C6orf52: variants seen among roughly 807,000 people sequenced by gnomAD.
C6orf52 encodes putative uncharacterized protein C6orf52.
Under a neutral mutation model 16.6 loss-of-function variants are expected in C6orf52, and 16 were observed. That is an observed-to-expected ratio of 0.96 (90% CI 0.65 to 1.46). The LOEUF (loss-of-function observed/expected upper bound fraction) is 1.46, where lower values mean the gene tolerates loss of function less well. C6orf52 is among the 40% of genes most tolerant of loss of function. C6orf52 has a pLI of 0.00. For synonymous variants in C6orf52, 53 were observed against 61.4 expected (o/e 0.86, Z 0.64); for missense variants, 166 against 182.3 (o/e 0.91, Z 0.52).
intron 3 of C6orf52, chr6:10,684,964 T>A: frequency 8.8e-7 from 1 of 1,130,920 alleles, no homozygotes; most frequent in Non-Finnish European, 1.1e-6. Flanking sequence ...AATTCTTGTA[T>A]GAAAAATGCA....
intron 4 of C6orf52, among the ~76,000 whole-genome samples, chr6:10,673,206 C>T (rs534541743): frequency 6.6e-6 from 1 of 152,334 alleles, no homozygotes; most frequent in South Asian, 2.1e-4. Context: ...CTGCATGCCC[C>T]TGGTGGGGAA....
upstream of C6orf52, chr6:10,694,627 C>CATTAAAAAA: frequency 5.2e-6 from 1 of 192,244 alleles, no homozygotes; most frequent in Non-Finnish European, 1.1e-5. Flanking sequence ...GGCCCCACCT[C>CATTAAAAAA]CTCCTGATGT....
At chr6:10,688,765 C>T (rs1224105185) in intron 1 of C6orf52, among the ~76,000 whole-genome samples, 1 of 152,196 alleles carries the variant, frequency 6.6e-6, no homozygotes, top group Non-Finnish European at 1.5e-5. Context: ...CAGCATGTGG[C>T]AAATTCAAGT....
chr6:10,689,645 G>C (rs899014428), intron 1 of C6orf52, among the ~76,000 whole-genome samples: 1 of 152,144 alleles, frequency 6.6e-6, no homozygotes, highest in Non-Finnish European at 1.5e-5. Context: ...AGCTGTGTGG[G>C]AAAAGGGTAT....
intron 4 of C6orf52, among the ~76,000 whole-genome samples, chr6:10,677,852 A>G (rs532850669): frequency 6.6e-6 from 1 of 151,542 alleles, no homozygotes; most frequent in Admixed American, 6.6e-5. Flanking sequence ...TTCTATTTCT[A>G]TGTAGAATGC....
intron 1 of C6orf52, among the ~76,000 whole-genome samples, chr6:10,692,972 CAA>C (rs1769479158): frequency 1.3e-5 from 2 of 152,352 alleles, no homozygotes; most frequent in African/African-American, 4.8e-5. Flanking sequence ...GTTGCCTCTT[CAA>C]AGTTTCCCTT....
intron 3 of C6orf52, among the ~76,000 whole-genome samples, chr6:10,684,207 C>A (rs1768655321): frequency 6.6e-6 from 1 of 152,160 alleles, no homozygotes; most frequent in African/African-American, 2.4e-5. Context: ...ACTTGGAAGG[C>A]TGGAGCAGGA....
chr6:10,691,442 G>A (rs567819476), intron 1 of C6orf52, among the ~76,000 whole-genome samples: 2 of 152,014 alleles, frequency 1.3e-5, no homozygotes, highest in Admixed American at 6.6e-5. Context: ...TAATTAGAAC[G>A]GAACAGAACA....
rs78651471 is a variant in C6orf52 at position 10,686,719 on chromosome 6, A to G, written c.270+247T>C. On this transcript the variant is annotated intron_variant, in intron 3 of 4. Coordinates refer to ENST00000259983, the MANE Select transcript of C6orf52 (RefSeq NM_001145020.3). The stretch of plus-strand genomic sequence containing the variant: ...CTGCAAGTGAACACTTCTAGTTTAT[A>G]CACGTCCAAACTCAGCAAATCATAT... Among the ~76,000 whole-genome samples the G allele has an allele frequency of 8.8e-3, 1,335 of 152,340 alleles. 7 individuals are homozygous for G. The highest frequency in any genetic ancestry group is 0.014 in the Non-Finnish European group (963 of 68,040).
chr6:10,674,202 G>T (rs1467771773), intron 4 of C6orf52, among the ~76,000 whole-genome samples: 2 of 151,902 alleles, frequency 1.3e-5, no homozygotes, highest in African/African-American at 2.4e-5. Context: ...CATTCATGAG[G>T]GCTCTACCCT....
chr6:10,671,663 T>C (rs949316880), intron 4 of C6orf52, 65 bp from the exon 5 acceptor site: 1 of 1,108,652 alleles, frequency 9.0e-7, no homozygotes, highest in African/African-American at 1.6e-5. Context: ...AGAAATAGTT[T>C]AAAATTAGAA....
At chr6:10,683,096 TA>T in intron 4 of C6orf52, 90 bp downstream of exon 4, 1 of 843,512 alleles carries the variant, frequency 1.2e-6, no homozygotes, top group Non-Finnish European at 1.8e-6. Flanking sequence ...AATTTTCCAA[TA>T]GAACCTTCCA....
At chr6:10,694,749 T>G (rs999318955), upstream of C6orf52, 2 of 442,714 alleles carry the variant, frequency 4.5e-6, no homozygotes, top group Non-Finnish European at 8.1e-6. Flanking sequence ...CTCCTTGCAG[T>G]GAGAACCTCC....
chr6:10,690,615 A>C (rs1769208453), intron 1 of C6orf52, among the ~76,000 whole-genome samples: 1 of 152,216 alleles, frequency 6.6e-6, no homozygotes, highest in African/African-American at 2.4e-5. Flanking sequence ...AAGAAAAACT[A>C]GCTTTTACTT....
intron 3 of C6orf52, among the ~76,000 whole-genome samples, chr6:10,686,347 A>G (rs1386910454): frequency 6.6e-6 from 1 of 152,216 alleles, no homozygotes; most frequent in African/African-American, 2.4e-5. Flanking sequence ...AGAGTACAGG[A>G]GAAAGATCTA....
At chr6:10,672,105 G>GAACCCTGT (rs1479198772) in intron 4 of C6orf52, among the ~76,000 whole-genome samples, 1 of 152,198 alleles carries the variant, frequency 6.6e-6, no homozygotes, top group Non-Finnish European at 1.5e-5. Context: ...CCGAACCCTG[G>GAACCCTGT]AACCCTGTGA....
chr6:10,688,493 A>C (rs1202918281), intron 1 of C6orf52, among the ~76,000 whole-genome samples: 1 of 152,232 alleles, frequency 6.6e-6, no homozygotes, highest in Non-Finnish European at 1.5e-5. Flanking sequence ...AATAGCAAAC[A>C]TGATGAATTC....
intron 4 of C6orf52, among the ~76,000 whole-genome samples, chr6:10,672,134 T>C (rs1767479260): frequency 2.0e-5 from 3 of 152,226 alleles, no homozygotes; most frequent in Admixed American, 2.0e-4. Context: ...TATTATGTTA[T>C]TGCGAACGTA....
intron 4 of C6orf52, among the ~76,000 whole-genome samples, chr6:10,675,812 C>T (rs1767824060): frequency 6.6e-6 from 1 of 152,160 alleles, no homozygotes; most frequent in Admixed American, 6.5e-5. Context: ...ATCTATTGGT[C>T]ATTTGTACAT....
Sources: allele counts gnomAD v4.1 joint callset (sites outside exome capture counted in the v4.1 genomes callset), GRCh38; gene constraint gnomAD v4.1.1; transcripts MANE v1.5; gene names NCBI Gene and HGNC (gene_info 2026-07-23, HGNC 2026-07-21).